NBAS: variants seen among roughly 807,000 people sequenced by gnomAD.
NBAS encodes NBAS subunit of NRZ tethering complex.
In NBAS, 219 loss-of-function variants were observed where a neutral mutation model predicts 302.5. That is an observed-to-expected ratio of 0.72 (90% CI 0.65 to 0.81). NBAS has a LOEUF of 0.81. NBAS is among the 30% of genes least tolerant of loss of function. The probability of loss-of-function intolerance (pLI) is 0.00; values close to 1 mark genes in which losing one functional copy is unlikely to be tolerated. For missense variants in NBAS, 2,932 were observed against 2,841.6 expected, an observed-to-expected ratio of 1.03 and a Z score of -0.72; for synonymous variants, 1,118 against 1,021.6, an observed-to-expected ratio of 1.09 and a Z score of -1.80.
chr2:15,535,053 A>C (rs1360459404), intron 8 of NBAS, among the ~76,000 whole-genome samples: 1 of 152,240 alleles, frequency 6.6e-6, no homozygotes, highest in Non-Finnish European at 1.5e-5. Context: ...TGTAAGTAAA[A>C]AGAAATAAAC....
the NBAS span, among the ~76,000 whole-genome samples, chr2:15,068,850 A>G: frequency 2.6e-5 from 4 of 152,224 alleles, no homozygotes; most frequent in Admixed American, 6.5e-5. Context: ...TTGGTAATTT[A>G]TAAGAAAGGG....
chr2:15,245,848 ACT>A (rs1668075045), intron 44 of NBAS, among the ~76,000 whole-genome samples: 2 of 152,144 alleles, frequency 1.3e-5, no homozygotes, highest in Middle Eastern at 3.4e-3. Flanking sequence ...TCTATTAGAC[ACT>A]CTGGTTTGTT....
At chr2:15,323,851 A>C (rs1432438401) in intron 38 of NBAS, among the ~76,000 whole-genome samples, 1 of 151,774 alleles carries the variant, frequency 6.6e-6, no homozygotes, top group Non-Finnish European at 1.5e-5. Flanking sequence ...AACAAACAAA[A>C]AAACAAAAAA....
chr2:15,420,925 G>T lies in NBAS; in HGVS notation c.2578-3213C>A, dbSNP rs114561368. ...AAAGACCTAGGGATGGACAAGTGAA[G>T]ATGAAGTGAAAAAAGAAGAAATGCA... On this transcript the variant is annotated intron_variant, in intron 23 of 51. Transcript: ENST00000281513. Among the ~76,000 whole-genome samples, 884 of 152,208 alleles carry T rather than the reference G, an allele frequency of 5.8e-3. 7 individuals carry two copies. The highest frequency in any genetic ancestry group is 0.019 in the African/African-American group (789 of 41,532).
the NBAS span, among the ~76,000 whole-genome samples, chr2:14,975,998 G>T: frequency 3.9e-5 from 6 of 152,182 alleles, no homozygotes; most frequent in Non-Finnish European, 8.8e-5. Context: ...TATAAAACTG[G>T]GGAAAAATAT....
At chr2:15,212,703 G>A (rs544414916) in intron 48 of NBAS, among the ~76,000 whole-genome samples, 18 of 152,254 alleles carry the variant, frequency 1.2e-4, no homozygotes, top group African/African-American at 4.3e-4. Flanking sequence ...TGCTATTCTC[G>A]TGATAGTAAG....
the NBAS span, among the ~76,000 whole-genome samples, chr2:14,862,932 C>A: frequency 6.6e-6 from 1 of 152,052 alleles, no homozygotes; most frequent in Admixed American, 6.6e-5. Flanking sequence ...TGGATTCAGC[C>A]AATGCAAGCA....
At chr2:14,796,199 A>G in the NBAS span, among the ~76,000 whole-genome samples, 1 of 152,184 alleles carries the variant, frequency 6.6e-6, no homozygotes, top group African/African-American at 2.4e-5. Context: ...TTTCTGTTCC[A>G]TTTATCTGTC....
chr2:15,441,114 T>G (rs1235078716), intron 21 of NBAS, among the ~76,000 whole-genome samples: 2 of 152,172 alleles, frequency 1.3e-5, no homozygotes. Context: ...TTCCCCAATC[T>G]AGCAAGGCAA....
intron 40 of NBAS, among the ~76,000 whole-genome samples, chr2:15,306,867 T>C (rs952585231): frequency 7.9e-5 from 12 of 152,164 alleles, no homozygotes; most frequent in Non-Finnish European, 1.3e-4. Flanking sequence ...GATTTGACTG[T>C]TGTCCCAGAA....
At chr2:14,960,126 G>A in the NBAS span, among the ~76,000 whole-genome samples, 126 of 152,326 alleles carry the variant, frequency 8.3e-4, 1 homozygote, top group African/African-American at 3.0e-3. Flanking sequence ...ATTTCTGTAA[G>A]TGTAAGAGAT....
At chr2:15,075,177 T>C in the NBAS span, among the ~76,000 whole-genome samples, 1 of 152,164 alleles carries the variant, frequency 6.6e-6, no homozygotes, top group South Asian at 2.1e-4. Flanking sequence ...TGGTAAGTGA[T>C]GAGATGAACA....
intron 44 of NBAS, among the ~76,000 whole-genome samples, chr2:15,243,112 C>T (rs1414212982): frequency 6.6e-6 from 1 of 152,182 alleles, no homozygotes; most frequent in Non-Finnish European, 1.5e-5. Flanking sequence ...CCACCATCAT[C>T]TCTCATAAAG....
intron 35 of NBAS, among the ~76,000 whole-genome samples, chr2:15,343,671 T>G (rs1672958819): frequency 6.6e-6 from 1 of 151,986 alleles, no homozygotes; most frequent in Admixed American, 6.6e-5. Context: ...ATACCTCAAG[T>G]CTATACTTAT....
chr2:14,988,740 G>C, the NBAS span, among the ~76,000 whole-genome samples: 22 of 152,196 alleles, frequency 1.4e-4, no homozygotes, highest in African/African-American at 5.1e-4. Context: ...ATCTAAAACA[G>C]AAAATCCAAG....
At chr2:15,310,836 G>A (rs1430394395) in intron 38 of NBAS, among the ~76,000 whole-genome samples, 4 of 152,136 alleles carry the variant, frequency 2.6e-5, no homozygotes, top group East Asian at 1.9e-4. Context: ...TTCTTCCTTC[G>A]TGACAATCGT....
the NBAS span, among the ~76,000 whole-genome samples, chr2:14,898,681 T>C: frequency 6.6e-6 from 1 of 152,232 alleles, no homozygotes; most frequent in Non-Finnish European, 1.5e-5. Flanking sequence ...TCTGCTTTTA[T>C]GTCTTCCTCA....
the NBAS span, among the ~76,000 whole-genome samples, chr2:15,101,593 G>C: frequency 6.6e-6 from 1 of 152,106 alleles, no homozygotes; most frequent in Admixed American, 6.6e-5. Context: ...GCAGGGGCAG[G>C]TGTGAGCTTA....
At chr2:15,040,001 C>T in the NBAS span, among the ~76,000 whole-genome samples, 12 of 152,278 alleles carry the variant, frequency 7.9e-5, no homozygotes, top group Middle Eastern at 3.4e-3. Context: ...CCATCTTCCC[C>T]GTCTCCAGAG....
Sources: gnomAD v4.1 joint callset for allele counts (sites outside exome capture counted in the v4.1 genomes callset) on GRCh38, gnomAD v4.1.1 for gene constraint, MANE v1.5 for transcripts, NCBI Gene and HGNC (gene_info 2026-07-23, HGNC 2026-07-21) for gene names.